CSMD1: variants seen among roughly 807,000 people sequenced by gnomAD.
CSMD1 encodes CUB and Sushi multiple domains 1.
A neutral mutation model predicts 417.5 loss-of-function variants in CSMD1; 213 were observed. The ratio of observed to expected loss-of-function variants is 0.51; its 90% confidence interval spans 0.46 to 0.57. The LOEUF is 0.57. Ranked by LOEUF, CSMD1 falls within the 20% of genes least tolerant of loss-of-function variation. The pLI, the probability that CSMD1 is intolerant of heterozygous loss-of-function variation, is 0.00. For missense variants in CSMD1, 6,923 were observed against 4,529.7 expected, an observed-to-expected ratio of 1.53 and a Z score of -15.17; for synonymous variants, 2,862 against 1,736.8, an observed-to-expected ratio of 1.65 and a Z score of -16.11.
chr8:3,608,195 A>G (rs1461771867), intron 8 of CSMD1, among the ~76,000 whole-genome samples: 1 of 149,062 alleles, frequency 6.7e-6, no homozygotes, highest in Non-Finnish European at 1.5e-5. Flanking sequence ...AAAAAAAAGT[A>G]AAGGAAGAAA....
chr8:3,267,806 G>A (rs753755675), intron 26 of CSMD1, among the ~76,000 whole-genome samples: 6 of 152,164 alleles, frequency 3.9e-5, no homozygotes, highest in African/African-American at 7.2e-5. Flanking sequence ...TGCAGAGGCC[G>A]GGGCTGATGT....
intron 5 of CSMD1, among the ~76,000 whole-genome samples, chr8:3,850,832 A>T (rs933199298): frequency 4.6e-5 from 7 of 152,226 alleles, no homozygotes; most frequent in Non-Finnish European, 8.8e-5. Flanking sequence ...TTACTGAAGG[A>T]TAAAAAATGA....
chr8:3,881,407 A>T (rs986040292), intron 5 of CSMD1, among the ~76,000 whole-genome samples: 1 of 151,758 alleles, frequency 6.6e-6, no homozygotes, highest in East Asian at 1.9e-4. Context: ...AGGCCGAGGC[A>T]GGCAGATCAC....
intron 5 of CSMD1, among the ~76,000 whole-genome samples, chr8:3,777,300 T>C (rs899597078): frequency 6.6e-6 from 1 of 152,102 alleles, no homozygotes; most frequent in Non-Finnish European, 1.5e-5. Context: ...TCAGTAAATA[T>C]TTGTTGGACA....
At chr8:4,606,568 T>C (rs991068714) in intron 2 of CSMD1, among the ~76,000 whole-genome samples, 3 of 152,154 alleles carry the variant, frequency 2.0e-5, no homozygotes, top group African/African-American at 7.2e-5. Context: ...CACAGCACTG[T>C]TCTCTCAAGG....
chr8:3,741,319 G>C (rs1401001293), intron 6 of CSMD1, among the ~76,000 whole-genome samples: 4 of 151,652 alleles, frequency 2.6e-5, no homozygotes, highest in Admixed American at 6.6e-5. Context: ...TGTTTAAAGA[G>C]GTTTGCAGCT....
intron 3 of CSMD1, among the ~76,000 whole-genome samples, chr8:4,110,341 C>G (rs188393919): frequency 1.8e-4 from 27 of 152,206 alleles, no homozygotes; most frequent in African/African-American, 5.8e-4. Flanking sequence ...TGGCCTCTAA[C>G]TTCAGCCTAT....
At chr8:4,666,998 A>G (rs1483732546) in intron 1 of CSMD1, among the ~76,000 whole-genome samples, 1 of 152,160 alleles carries the variant, frequency 6.6e-6, no homozygotes, top group Non-Finnish European at 1.5e-5. Flanking sequence ...ATATGTAAGA[A>G]TATCAATCAT....
At chr8:3,692,299 C>A (rs553104665) in intron 7 of CSMD1, among the ~76,000 whole-genome samples, 89 of 152,336 alleles carry the variant, frequency 5.8e-4, no homozygotes, top group Middle Eastern at 3.4e-3. Flanking sequence ...ATACACCCCA[C>A]TGAACTTCAA....
At chr8:4,039,838 G>A (rs578246131) in intron 3 of CSMD1, among the ~76,000 whole-genome samples, 51 of 152,226 alleles carry the variant, frequency 3.4e-4, no homozygotes, top group South Asian at 1.2e-3. Context: ...AATAGATTTG[G>A]GTTTCTGCTC....
At chr8:4,336,581 A>G (rs1031236295) in intron 3 of CSMD1, among the ~76,000 whole-genome samples, 3 of 152,194 alleles carry the variant, frequency 2.0e-5, no homozygotes, top group African/African-American at 7.2e-5. Flanking sequence ...CTGGTGAAGC[A>G]TGAATTTATT....
chr8:4,385,486 T>C (rs529222702), intron 3 of CSMD1, among the ~76,000 whole-genome samples: 1 of 152,342 alleles, frequency 6.6e-6, no homozygotes, highest in Non-Finnish European at 1.5e-5. Context: ...AAAATAGATA[T>C]TTGGAGCTTA....
At chr8:4,399,984 G>T (rs965570365) in intron 3 of CSMD1, among the ~76,000 whole-genome samples, 1 of 152,108 alleles carries the variant, frequency 6.6e-6, no homozygotes. Flanking sequence ...AGGTTGATAA[G>T]CCTTTCTTTC....
intron 1 of CSMD1, among the ~76,000 whole-genome samples, chr8:4,700,748 G>T (rs1463490460): frequency 6.6e-6 from 1 of 152,062 alleles, no homozygotes; most frequent in Non-Finnish European, 1.5e-5. Flanking sequence ...TTTATTATAT[G>T]CAACTTACGC....
At chr8:4,887,212 A>G (rs1260811634) in intron 1 of CSMD1, among the ~76,000 whole-genome samples, 3 of 152,066 alleles carry the variant, frequency 2.0e-5, no homozygotes, top group Non-Finnish European at 2.9e-5. Flanking sequence ...TATAATTTAC[A>G]TTGTGATTAT....
intron 1 of CSMD1, among the ~76,000 whole-genome samples, chr8:4,782,190 A>G (rs10103129): frequency 0.1 from 15,291 of 152,232 alleles, 963 homozygotes; most frequent in East Asian, 0.33. Flanking sequence ...CTGCTGTTCT[A>G]TTGCACAGTA....
intron 10 of CSMD1, among the ~76,000 whole-genome samples, chr8:3,510,444 C>G (rs1010386274): frequency 8.6e-5 from 13 of 151,848 alleles, no homozygotes; most frequent in African/African-American, 3.2e-4. Context: ...GGGTAAGTTA[C>G]TCAGCCCAGT....
intron 5 of CSMD1, among the ~76,000 whole-genome samples, chr8:3,868,503 C>A (rs964749494): frequency 1.3e-5 from 2 of 152,082 alleles, no homozygotes; most frequent in Non-Finnish European, 2.9e-5. Flanking sequence ...ACACAAAGAA[C>A]ACTTACCAAC....
chr8:4,510,000 A>G (rs1475834854), intron 2 of CSMD1, among the ~76,000 whole-genome samples: 1 of 152,104 alleles, frequency 6.6e-6, no homozygotes, highest in Non-Finnish European at 1.5e-5. Flanking sequence ...TGTAACTCCC[A>G]TAATTCCCAC....
Sources: allele counts gnomAD v4.1 joint callset (sites outside exome capture counted in the v4.1 genomes callset), GRCh38; gene constraint gnomAD v4.1.1; transcripts MANE v1.5; gene names NCBI Gene and HGNC (gene_info 2026-07-23, HGNC 2026-07-21).